The following PIGQ variants were observed in gnomAD, a reference collection of about 807,000 sequenced individuals.
The protein encoded by PIGQ is phosphatidylinositol N-acetylglucosaminyltransferase subunit Q.
Under a neutral mutation model 60.3 loss-of-function variants are expected in PIGQ, and 54 were observed. The observed-to-expected ratio is 0.90, with a 90% CI of 0.72 to 1.12. The LOEUF is 1.12. PIGQ is among the 50% of genes most tolerant of loss of function. PIGQ has a pLI of 0.00. For missense variants in PIGQ, 799 were observed against 793.5 expected (o/e 1.01, Z -0.08); for synonymous variants, 416 against 363.7 (o/e 1.14, Z -1.64).
intron 4 of PIGQ, chr16:577,377 A>T (rs184117278): frequency 6.6e-6 from 1 of 152,138 alleles, no homozygotes; most frequent in Non-Finnish European, 1.5e-5. Context: ...GGAGATCGAG[A>T]CCATCCTGGC....
At chr16:575,670 C>A (rs115501976) in intron 2 of PIGQ, among the ~76,000 whole-genome samples, 169 bp from the exon 3 acceptor site, 1 of 152,164 alleles carries the variant, frequency 6.6e-6, no homozygotes, top group African/African-American at 2.4e-5. Flanking sequence ...GAGGTGGGCG[C>A]GTTGAGCGCT....
In PIGQ at chr16:581,502, G is replaced by A. The variant is rs1369141087; in HGVS notation, c.1531+530G>A. 4.0e-5 allele frequency among the ~76,000 whole-genome samples: 6 copies of A among 151,346 alleles called. 1 individual carries two copies. The highest frequency in any genetic ancestry group is 4.2e-4 in the South Asian group (2 of 4,790). ...TTTTGAGACGGAGTCTCACTTTGTC[G>A]CCCAGGCTGGAGTGCAATGGCGCAA... On this transcript the variant is annotated intron_variant, in intron 9 of 10. Transcript: ENST00000321878.
Position 583,158 on chromosome 16 carries a change from C to T in PIGQ, c.*123C>T. The T allele has an allele frequency of 2.5e-6, 4 of 1,613,334 alleles. No individual in the cohort carries two copies. Among genetic ancestry groups the T allele is most frequent in the Non-Finnish European group, 2.5e-6 (3 of 1,179,978 alleles). On this transcript the variant is annotated 3_prime_UTR_variant, in exon 11 of 11. Coordinates refer to ENST00000321878, the MANE Select transcript of PIGQ (RefSeq NM_004204.5). Reference sequence around the variant, plus strand: ...GTGGACGCTGCTGTGTGCTCCTGAACACGGCAGGCCCTGCTATCACACCTT... The same window carrying T: ...GTGGACGCTGCTGTGTGCTCCTGAATACGGCAGGCCCTGCTATCACACCTT...
rs779181305 is a variant in PIGQ, at chr16:574,760, G to A, written c.686G>A (p.Cys229Tyr). 6.4e-7 allele frequency: 1 copy of A among 1,562,138 alleles called. No individual in the cohort carries two copies. The highest frequency in any genetic ancestry group is 8.6e-7 in the Non-Finnish European group (1 of 1,158,780). The change falls in exon 2 of 11, where the codon TGC becomes TAC. Residue 229 changes from cysteine to tyrosine, a missense_variant. Cys to Tyr is a radical substitution (Grantham distance 194). Transcript: ENST00000321878. Reference sequence around the variant, plus strand: ...TCGCTGGTCTCAGCTGTCAGTGCCTGCCGGTAGGTGTCCCGGGACAGGCAG... The same window carrying A: ...TCGCTGGTCTCAGCTGTCAGTGCCTACCGGTAGGTGTCCCGGGACAGGCAG... Reference protein sequence around the residue: ...LLSLVSAVSACRVFKLWPLSF... With the variant: ...LLSLVSAVSAYRVFKLWPLSF...
chr16:578,521 G>T lies in PIGQ; in HGVS notation c.1069+16G>T, dbSNP rs779977421. 6.2e-7 allele frequency: 1 copy of T among 1,608,150 alleles called. No individual in the cohort carries two copies. The highest frequency in any genetic ancestry group is 1.3e-5 in the African/African-American group (1 of 74,816). ...CTGTGGATCAGTGAGTGCAGGGCAGGCGGGGGCCCCAGGGACCCCAGAGCT... is the reference window on the plus strand; with the variant it reads ...CTGTGGATCAGTGAGTGCAGGGCAGTCGGGGGCCCCAGGGACCCCAGAGCT... On this transcript the variant is annotated intron_variant, in intron 5 of 10. Coordinates refer to ENST00000321878, the MANE Select transcript of PIGQ (RefSeq NM_004204.5).
In PIGQ at chr16:580,939, G is replaced by A; in HGVS notation, c.1498G>A (p.Gly500Ser). The change falls in exon 9 of 11, where the codon GGT becomes AGT. Residue 500 changes from glycine to serine, a missense_variant. Transcript: ENST00000321878. Reference sequence around the variant, plus strand: ...CAACTCCCTGCCGCTGTACTCACTGGGTCTTCGGCTCTGCCGGCCCTACAG... The same window carrying A: ...CAACTCCCTGCCGCTGTACTCACTGAGTCTTCGGCTCTGCCGGCCCTACAG... Reference protein sequence around the residue: ...LINSLPLYSLGLRLCRPYRLA... With the variant: ...LINSLPLYSLSLRLCRPYRLA... 2 of 1,611,058 alleles carry A rather than the reference G, an allele frequency of 1.2e-6. No individual in the cohort carries two copies. Among genetic ancestry groups the A allele is most frequent in the South Asian group, 2.2e-5 (2 of 91,052 alleles).
intron 1 of PIGQ, among the ~76,000 whole-genome samples, chr16:571,164 T>G (rs2035616706): frequency 7.7e-5 from 1 of 13,060 alleles, no homozygotes; most frequent in Non-Finnish European, 1.5e-4. Flanking sequence ...CTGGCACCCG[T>G]GGCTAGCCTG....
rs1355456589 is a variant in PIGQ at position 584,107 on chromosome 16, G to C, written c.*1072G>C. On this transcript the variant is annotated 3_prime_UTR_variant, in exon 11 of 11. Transcript: ENST00000321878. ...TGACAATAAAACCTGCCCCGTGTCT[G>C]GAGCGCAGGCTCGGTCCCGGGTCCA... 1 of 271,636 alleles carries C rather than the reference G, an allele frequency of 3.7e-6. No homozygotes were observed. The highest frequency in any genetic ancestry group is 7.4e-6 in the Non-Finnish European group (1 of 135,658). 16.8% of individuals were successfully genotyped at this position (271,636 alleles called of 1,614,324 possible). A position where few individuals can be genotyped will look rare whatever the true frequency, so the allele number is the denominator to read the frequency against.
chr16:577,529 ATC>A (rs1189149089), intron 4 of PIGQ, among the ~76,000 whole-genome samples: 3 of 149,810 alleles, frequency 2.0e-5, no homozygotes, highest in Non-Finnish European at 4.5e-5. Flanking sequence ...GTGAGCCGAG[ATC>A]TCACCACTGC....
At chr16:578,151 G>A (rs1014687721) in intron 4 of PIGQ, 91 of 495,316 alleles carry the variant, frequency 1.8e-4, no homozygotes, top group Middle Eastern at 5.2e-4. Context: ...CTGTGGGCCC[G>A]GCCATGTCAC....
rs772551150 is a variant in PIGQ at position 578,806 on chromosome 16, C to G, written c.1091C>G (p.Pro364Arg). 1.2e-6 allele frequency: 2 copies of G among 1,613,766 alleles called. No homozygotes were observed. Among genetic ancestry groups the G allele is most frequent in the South Asian group, 1.1e-5 (1 of 91,088 alleles). ...CCAGGCTACATCCACCTCATGTCCCCCTTCGTGGAGCACATCCTTTGGCAC... is the reference window on the plus strand; with the variant it reads ...CCAGGCTACATCCACCTCATGTCCCGCTTCGTGGAGCACATCCTTTGGCAC... ...LWISYIHLMSPFVEHILWHVG... is the reference protein window; with the variant it reads ...LWISYIHLMSRFVEHILWHVG... Residue 364 changes from proline (P) to arginine (R), a missense_variant, in exon 6 of 11, where the codon CCC becomes CGC. Coordinates refer to ENST00000321878, the MANE Select transcript of PIGQ (RefSeq NM_004204.5).
In PIGQ at chr16:583,119, A is replaced by T; in HGVS notation, c.*84A>T. On this transcript the variant is annotated 3_prime_UTR_variant, in exon 11 of 11. Coordinates refer to ENST00000321878, the MANE Select transcript of PIGQ (RefSeq NM_004204.5). Reference sequence around the variant, plus strand: ...AGGGTGGCACCAGCTCAGCTGGCGCATGTCCTGTGCTTTGTGGACGCTGCT... The same window carrying T: ...AGGGTGGCACCAGCTCAGCTGGCGCTTGTCCTGTGCTTTGTGGACGCTGCT... 1 of 1,613,152 alleles carries T rather than the reference A, an allele frequency of 6.2e-7. No homozygotes were observed. The highest frequency in any genetic ancestry group is 1.7e-5 in the Admixed American group (1 of 60,006).
intron 8 of PIGQ, 174 bp downstream of exon 8, chr16:580,437 A>C (rs528791281): frequency 1.6e-5 from 9 of 571,858 alleles, no homozygotes; most frequent in Admixed American, 3.0e-5. Context: ...GCGAGGCCCT[A>C]TCCTGGCCAG....
chr16:571,106 TGTCTGGCTAGCCTGGTGCCC>T (rs2035614525), intron 1 of PIGQ, among the ~76,000 whole-genome samples: 6 of 2,780 alleles, frequency 2.2e-3, no homozygotes, highest in African/African-American at 3.6e-3. Context: ...TGTGTGTGTG[TGTCTGGCTAGCCTGGTGCCC>T]GTGTGTGTGT....
At chr16:574,875 C>A (rs1313413209) in intron 2 of PIGQ, 112 bp downstream of exon 2, 8 of 832,830 alleles carry the variant, frequency 9.6e-6, no homozygotes, top group Non-Finnish European at 1.5e-5. Flanking sequence ...TGGGCCCGGG[C>A]CCCCTCCCAC....
intron 5 of PIGQ, 115 bp from the exon 6 acceptor site, chr16:578,670 G>A (rs2035760301): frequency 9.0e-6 from 13 of 1,447,682 alleles, no homozygotes; most frequent in African/African-American, 1.4e-5. Flanking sequence ...CACCTCCCGA[G>A]GGCTGACCCC....
chr16:582,200 G>A, intron 9 of PIGQ, 48 bp from the exon 10 acceptor site: 9 of 1,380,230 alleles, frequency 6.5e-6, no homozygotes, highest in Non-Finnish European at 8.1e-6. Flanking sequence ...CTCATGTGTG[G>A]GGCCAGCCCC....
At chr16:577,868 T>G (rs1466398845) in intron 4 of PIGQ, 4 of 153,150 alleles carry the variant, frequency 2.6e-5, no homozygotes, top group Non-Finnish European at 5.8e-5. Context: ...CCTGTCCTCC[T>G]GCCTGGTCGC....
In PIGQ at chr16:582,734, C is replaced by T. The variant is rs1412450026; in HGVS notation, c.1594-149C>T. 3.4e-6 allele frequency: 3 copies of T among 874,594 alleles called. No individual in the cohort carries two copies. In the East Asian group the frequency reaches 7.3e-5, roughly 21 times the overall value. The allele number at this position is 874,594 out of a possible 1,614,324, so 54.2% of individuals were successfully genotyped here. A position where few individuals can be genotyped will look rare whatever the true frequency, so the allele number is the denominator to read the frequency against. ...CTTCTGGCTGCAGGCTCACTTGCCT[C>T]CTTGGGAACTGGGACTGGCTTCTCC... On this transcript the variant is annotated intron_variant, in intron 10 of 10. Transcript: ENST00000321878.
Sources: allele counts gnomAD v4.1 joint callset (sites outside exome capture counted in the v4.1 genomes callset), GRCh38; gene constraint gnomAD v4.1.1; transcripts MANE v1.5; gene names NCBI Gene and HGNC (gene_info 2026-07-23, HGNC 2026-07-21).